CAPN8: variants seen among roughly 807,000 people sequenced by gnomAD.
The protein encoded by CAPN8 is calpain-8.
CAPN8 carries 87 observed loss-of-function variants against 80.9 expected under a neutral mutation model. The observed-to-expected ratio is 1.07, with a 90% CI of 0.90 to 1.28. The LOEUF is 1.28. CAPN8 is among the 50% of genes most tolerant of loss of function. The probability of loss-of-function intolerance (pLI) is 0.00; values close to 1 mark genes in which losing one functional copy is unlikely to be tolerated. For missense variants in CAPN8, 757 were observed against 702.0 expected (o/e 1.08, Z -0.89); for synonymous variants, 299 against 273.8 (o/e 1.09, Z -0.91).
chr1:223,665,376 T>G (rs1050155921), intron 1 of CAPN8, 34 bp downstream of exon 1: 2 of 1,522,450 alleles, frequency 1.3e-6, no homozygotes, highest in Non-Finnish European at 1.8e-6. Context: ...CCCTCCACCT[T>G]GTATGTCACT....
intron 2 of CAPN8, among the ~76,000 whole-genome samples, chr1:223,642,389 C>A (rs999167978): frequency 6.6e-6 from 1 of 152,206 alleles, no homozygotes; most frequent in African/African-American, 2.4e-5. Flanking sequence ...ATAAGGCACA[C>A]TAATCCACTT....
intron 12 of CAPN8, 117 bp from the exon 13 acceptor site, chr1:223,558,284 T>G: frequency 2.5e-6 from 1 of 395,238 alleles, no homozygotes; most frequent in Non-Finnish European, 4.5e-6. Flanking sequence ...ACCCCAGACC[T>G]CATTTCCTAC....
chr1:223,550,512 T>A (rs1233637772), intron 15 of CAPN8, among the ~76,000 whole-genome samples: 4 of 152,200 alleles, frequency 2.6e-5, no homozygotes, highest in Non-Finnish European at 5.9e-5. Context: ...GATGGGGAAC[T>A]GAGGACAGTC....
At chr1:223,624,520 C>T (rs796113425) in intron 6 of CAPN8, among the ~76,000 whole-genome samples, 89 of 151,872 alleles carry the variant, frequency 5.9e-4, no homozygotes, top group African/African-American at 2.1e-3. Context: ...GCCTGGGCAA[C>T]ACAGACAGAC....
intron 13 of CAPN8, among the ~76,000 whole-genome samples, chr1:223,557,924 G>T (rs948508066): frequency 2.6e-5 from 4 of 152,168 alleles, no homozygotes; most frequent in Non-Finnish European, 2.9e-5. Context: ...CCTCCCCCAG[G>T]GGGTAGGGAT....
At chr1:223,661,611 C>G (rs770960490) in intron 1 of CAPN8, among the ~76,000 whole-genome samples, 3 of 151,906 alleles carry the variant, frequency 2.0e-5, no homozygotes, top group Non-Finnish European at 2.9e-5. Flanking sequence ...GCCTGGGTGA[C>G]AAGACAAGAG....
At position 223,628,761 on chromosome 1, in the gene CAPN8, A is replaced by G; in HGVS notation, c.327T>C (p.Ala109=). 1 of 1,554,590 alleles carries G rather than the reference A, an allele frequency of 6.4e-7. No homozygotes were observed. The highest frequency in any genetic ancestry group is 1.2e-5 in the South Asian group (1 of 84,212). Residue 109 remains alanine (A), a synonymous_variant, in exon 3 of 21, where the codon GCT becomes GCC. Transcript: ENST00000366872. ...QGGLGDCWLL[A]AIASLTLNEE... ...CATTCAGGGTCAGGGAGGCAATGGC[A>G]GCCAGAAGCCAGCAGTCACCTGCAC...
intron 1 of CAPN8, among the ~76,000 whole-genome samples, chr1:223,661,350 C>T (rs142263811): frequency 6.6e-6 from 1 of 152,222 alleles, no homozygotes; most frequent in East Asian, 1.9e-4. Flanking sequence ...CAGAAAATGG[C>T]TGAGTGCAGT....
At chr1:223,628,413 C>A (rs1657665960) in intron 3 of CAPN8, among the ~76,000 whole-genome samples, 1 of 152,254 alleles carries the variant, frequency 6.6e-6, no homozygotes. Context: ...CCTCCTGACC[C>A]TCAGTCCACA....
chr1:223,657,840 T>A (rs1045333059), intron 1 of CAPN8, among the ~76,000 whole-genome samples: 1 of 152,184 alleles, frequency 6.6e-6, no homozygotes, highest in African/African-American at 2.4e-5. Context: ...GAAATCTGAC[T>A]TCTACATCCA....
intron 13 of CAPN8, among the ~76,000 whole-genome samples, chr1:223,555,472 C>T (rs1218709347): frequency 1.3e-5 from 2 of 152,144 alleles, no homozygotes; most frequent in African/African-American, 4.8e-5. Context: ...AAAAATACAT[C>T]TAGATTTTTA....
intron 19 of CAPN8, 135 bp downstream of exon 19, chr1:223,543,932 C>T: frequency 3.2e-6 from 2 of 617,498 alleles, no homozygotes; most frequent in South Asian, 1.9e-5. Flanking sequence ...TGCCAGCATT[C>T]CAGAAGCCCT....
intron 16 of CAPN8, among the ~76,000 whole-genome samples, chr1:223,547,658 G>A (rs1656660622): frequency 6.6e-6 from 1 of 152,172 alleles, no homozygotes; most frequent in Admixed American, 6.5e-5. Context: ...AGGATTCCAT[G>A]GGTATTTCTG....
At chr1:223,545,184 G>A in intron 17 of CAPN8, 47 bp downstream of exon 17, 2 of 1,551,584 alleles carry the variant, frequency 1.3e-6, no homozygotes, top group Non-Finnish European at 1.7e-6. Context: ...GAGTGTAAGG[G>A]AGGATTAGAA....
chr1:223,550,282 G>A (rs538155552), intron 15 of CAPN8, among the ~76,000 whole-genome samples: 26 of 152,336 alleles, frequency 1.7e-4, no homozygotes, highest in Non-Finnish European at 3.7e-4. Flanking sequence ...CCTGGGAAGG[G>A]TATGACTTGG....
chr1:223,638,172 A>G (rs1356310234), intron 2 of CAPN8, among the ~76,000 whole-genome samples: 1 of 152,214 alleles, frequency 6.6e-6, no homozygotes, highest in Non-Finnish European at 1.5e-5. Flanking sequence ...ACAACTATTT[A>G]CATAACATTT....
chr1:223,616,927 T>A (rs1657208568), intron 9 of CAPN8: 1 of 152,382 alleles, frequency 6.6e-6, no homozygotes. Context: ...TGGCTTTTTT[T>A]AAATCTCTCA....
intron 2 of CAPN8, among the ~76,000 whole-genome samples, chr1:223,630,265 T>G (rs1049729224): frequency 6.6e-6 from 1 of 150,678 alleles, no homozygotes; most frequent in South Asian, 2.1e-4. Flanking sequence ...CCTCTCTTTT[T>G]GTCTGTCTGT....
In CAPN8 at chr1:223,657,033, T is replaced by C. The variant is rs187596187; in HGVS notation, c.238-2634A>G. On this transcript the variant is annotated intron_variant, in intron 1 of 20. Transcript: ENST00000366872. ...TGTCTTGTACGTATGTCTTAGGACA[T>C]AGAGAGCTTTGTAACTTCATTAAAA... is the stretch of plus-strand genomic sequence containing the variant. Among the ~76,000 whole-genome samples, 11 of 152,362 alleles carry C rather than the reference T, an allele frequency of 7.2e-5. No homozygotes were observed. The East Asian group carries it at 2.1e-3, about 29-fold the overall frequency.
Sources: gnomAD v4.1 joint callset for allele counts (sites outside exome capture counted in the v4.1 genomes callset) on GRCh38, gnomAD v4.1.1 for gene constraint, MANE v1.5 for transcripts, NCBI Gene and HGNC (gene_info 2026-07-23, HGNC 2026-07-21) for gene names.